The following FRY variants were observed in gnomAD, a reference collection of about 807,000 sequenced individuals.
FRY encodes the protein protein furry homolog.
In FRY, 128 loss-of-function variants were observed where a neutral mutation model predicts 348.4. That is an observed-to-expected ratio of 0.37 (90% CI 0.32 to 0.43). FRY has a LOEUF of 0.43. Ranked by LOEUF, FRY falls within the 20% of genes least tolerant of loss-of-function variation. The pLI is 1.00. For missense variants in FRY, 2,736 were observed against 3,695.2 expected (o/e 0.74, Z 6.73); for synonymous variants, 1,370 against 1,374.7 (o/e 1.00, Z 0.08).
chr13:32,248,542 G>A (rs1423572681), intron 48 of FRY, among the ~76,000 whole-genome samples: 1 of 148,348 alleles, frequency 6.7e-6, no homozygotes, highest in East Asian at 2.0e-4. Context: ...AAAAAAAAAA[G>A]AAATAAACCT....
chr13:32,292,522 G>T lies in FRY; in HGVS notation c.8581-1846G>T, dbSNP rs765695901. Among the ~76,000 whole-genome samples the T allele has an allele frequency of 1.1e-4, 16 of 152,054 alleles. No individual in the cohort carries two copies. In the East Asian group the frequency reaches 2.9e-3, roughly 28 times the overall value. On this transcript the variant is annotated intron_variant, in intron 59 of 60. Transcript: ENST00000542859. ...AATAAAGCAAACTTTGGCAGGGTGC[G>T]GTGGCTCACGCCTGTAATCCCAGCA...
chr13:32,213,316 C>T (rs1461879984), intron 35 of FRY, among the ~76,000 whole-genome samples: 2 of 152,196 alleles, frequency 1.3e-5, no homozygotes, highest in Non-Finnish European at 2.9e-5. Flanking sequence ...GCCCTTGGGG[C>T]TCTGAAGGCT....
At chr13:32,063,565 C>T (rs966296381) in intron 1 of FRY, among the ~76,000 whole-genome samples, 4 of 152,172 alleles carry the variant, frequency 2.6e-5, no homozygotes, top group Non-Finnish European at 5.9e-5. Flanking sequence ...GTGCTTCCCT[C>T]CTCACTGTGC....
At chr13:32,162,031 G>A (rs945628729) in intron 17 of FRY, among the ~76,000 whole-genome samples, 1 of 152,070 alleles carries the variant, frequency 6.6e-6, no homozygotes, top group African/African-American at 2.4e-5. Flanking sequence ...TGTGGAATGA[G>A]GAAGAACAAA....
At chr13:32,175,420 T>G in intron 19 of FRY, 126 bp from the exon 20 acceptor site, 1 of 728,350 alleles carries the variant, frequency 1.4e-6, no homozygotes, top group Non-Finnish European at 2.5e-6. Flanking sequence ...GGGCACTCAC[T>G]TTTCTGTGAG....
At chr13:32,229,501 T>G (rs1885793259) in intron 40 of FRY, among the ~76,000 whole-genome samples, 1 of 152,342 alleles carries the variant, frequency 6.6e-6, no homozygotes, top group African/African-American at 2.4e-5. Context: ...CAACTTAATG[T>G]GGGATTTAAT....
chr13:32,091,054 CTCTTT>C (rs1876269150), intron 2 of FRY, among the ~76,000 whole-genome samples: 1 of 152,304 alleles, frequency 6.6e-6, no homozygotes, highest in East Asian at 1.9e-4. Flanking sequence ...CTGTATCATT[CTCTTT>C]TGTTTCTTTT....
At chr13:32,256,023 G>A (rs1034117147) in intron 51 of FRY, among the ~76,000 whole-genome samples, 2 of 152,100 alleles carry the variant, frequency 1.3e-5, no homozygotes, top group Admixed American at 6.6e-5. Context: ...GAAGTAATCC[G>A]ACACAATTTC....
At position 32,058,119 on chromosome 13, in the gene FRY, CAATT is replaced by C. The variant is rs368934368; in HGVS notation, c.71-20712_71-20709del. Among the ~76,000 whole-genome samples the C allele has an allele frequency of 4.2e-3, 643 of 152,284 alleles. 3 individuals are homozygous for C. The highest frequency in any genetic ancestry group is 0.014 in the African/African-American group (571 of 41,564). Reference sequence around the variant, plus strand: ...TATTTGAGGGTTGTTATGAAACTATCAATTAAGTCAACAATCCAGTTTATTTTAT... The same window carrying C: ...TATTTGAGGGTTGTTATGAAACTATCAAGTCAACAATCCAGTTTATTTTAT... On this transcript the variant is annotated intron_variant, in intron 1 of 60. Transcript: ENST00000542859.
intron 1 of FRY, among the ~76,000 whole-genome samples, chr13:32,065,239 A>G (rs1282994082): frequency 1.3e-5 from 2 of 152,188 alleles, no homozygotes; most frequent in Admixed American, 1.3e-4. Flanking sequence ...GCCATCACTC[A>G]AATTCTACAG....
chr13:32,037,049 CACACACACAA>C (rs879355773), intron 1 of FRY, among the ~76,000 whole-genome samples: 2,250 of 109,132 alleles, frequency 0.021, 46 homozygotes, highest in African/African-American at 0.052. Context: ...CACACACACA[CACACACACAA>C]ACACACACAC....
At chr13:32,120,426 G>A (rs1428898231) in intron 4 of FRY, among the ~76,000 whole-genome samples, 3 of 151,990 alleles carry the variant, frequency 2.0e-5, no homozygotes, top group African/African-American at 7.2e-5. Flanking sequence ...CTGCCTTCCT[G>A]TTCTTCTGAC....
intron 29 of FRY, among the ~76,000 whole-genome samples, chr13:32,199,320 A>G (rs1433420884): frequency 1.3e-5 from 2 of 152,222 alleles, no homozygotes; most frequent in African/African-American, 4.8e-5. Context: ...AGTACGCATT[A>G]CAAGAGTAGT....
rs756334526 is a variant in FRY at position 32,184,710 on chromosome 13, C to A, written c.3146+19C>A. On this transcript the variant is annotated intron_variant, in intron 25 of 60. Coordinates refer to ENST00000542859, the MANE Select transcript of FRY (RefSeq NM_023037.3). The stretch of plus-strand genomic sequence containing the variant: ...GTGACAGGTAGGATCAGAATTCTAC[C>A]GAGTTGCTCTCTTCTCACCAGACTG... 2 of 1,353,228 alleles carry A rather than the reference C, an allele frequency of 1.5e-6. No individual in the cohort carries two copies. Among genetic ancestry groups the A allele is most frequent in the African/African-American group, 1.4e-5 (1 of 70,050 alleles). 83.8% of individuals were successfully genotyped at this position (1,353,228 alleles called of 1,614,324 possible).
rs1006678982 is a variant in FRY at position 32,251,903 on chromosome 13, A to C, written c.7196A>C (p.His2399Pro). The change falls in exon 50 of 61, where the codon CAT becomes CCT. Residue 2399 changes from histidine (H) to proline (P), a missense_variant. His to Pro is a moderately conservative substitution (Grantham distance 77). Transcript: ENST00000542859. ...AAGAGAACAAAAGAGAAGTTGGTACATGTCCTTTCTCTGTGTGGCCAAGAA... is the reference window on the plus strand; with the variant it reads ...AAGAGAACAAAAGAGAAGTTGGTACCTGTCCTTTCTCTGTGTGGCCAAGAA... ...SQKRTKEKLV[H>P]VLSLCGQEVG... 1.2e-6 allele frequency: 2 copies of C among 1,612,952 alleles called. No individual in the cohort carries two copies. The highest frequency in any genetic ancestry group is 2.7e-5 in the African/African-American group (2 of 74,908).
Position 32,239,631 on chromosome 13 carries a change from A to C in FRY, c.6517-80A>C. On this transcript the variant is annotated intron_variant, in intron 45 of 60. Transcript: ENST00000542859. The surrounding 1 kb of genome is among the most constrained non-coding windows in gnomAD (Gnocchi z 4.3). ...GTATCAATCTACTTTCCAGATGGCC[A>C]GAGCTTATAGTAAAATTGCTAACAT... 1 of 990,908 alleles carries C rather than the reference A, an allele frequency of 1.0e-6. No individual in the cohort carries two copies. Among genetic ancestry groups the C allele is most frequent in the Non-Finnish European group, 1.6e-6 (1 of 632,064 alleles). 61.4% of individuals were successfully genotyped at this position (990,908 alleles called of 1,614,324 possible). A position where few individuals can be genotyped will look rare whatever the true frequency, so the allele number is the denominator to read the frequency against.
At chr13:32,274,202 A>G (rs1888365175) in intron 55 of FRY, among the ~76,000 whole-genome samples, 1 of 152,098 alleles carries the variant, frequency 6.6e-6, no homozygotes, top group Non-Finnish European at 1.5e-5. Context: ...CTCATGCGAT[A>G]TTTTTATAAA....
chr13:32,151,995 A>G (rs1330394639), intron 14 of FRY, among the ~76,000 whole-genome samples: 1 of 152,210 alleles, frequency 6.6e-6, no homozygotes, highest in Non-Finnish European at 1.5e-5. Flanking sequence ...AACAATTAGA[A>G]ATTGAACAAT....
chr13:32,089,488 C>A (rs760094375), intron 2 of FRY, among the ~76,000 whole-genome samples: 1 of 152,144 alleles, frequency 6.6e-6, no homozygotes, highest in South Asian at 2.1e-4. Flanking sequence ...GTCTGGTGGG[C>A]ACAGTGGCTC....
Sources: allele counts gnomAD v4.1 joint callset (sites outside exome capture counted in the v4.1 genomes callset), GRCh38; gene constraint gnomAD v4.1.1; non-coding constraint Gnocchi (gnomAD v3.1); transcripts MANE v1.5; gene names NCBI Gene and HGNC (gene_info 2026-07-23, HGNC 2026-07-21).